CCDC88C: variants seen among roughly 807,000 people sequenced by gnomAD.
CCDC88C encodes the protein coiled-coil and HOOK domain protein 88C, also known as protein Daple.
CCDC88C carries 131 observed loss-of-function variants against 198.8 expected under a neutral mutation model. The observed-to-expected ratio is 0.66, with a 90% CI of 0.57 to 0.76. The LOEUF is 0.76. Ranked by LOEUF, CCDC88C falls within the 30% of genes least tolerant of loss-of-function variation. The pLI, the probability that CCDC88C is intolerant of heterozygous loss-of-function variation, is 0.00. For synonymous variants in CCDC88C, 1,166 were observed against 1,114.7 expected, an observed-to-expected ratio of 1.05 and a Z score of -0.92; for missense variants, 2,553 against 2,631.6, an observed-to-expected ratio of 0.97 and a Z score of 0.65.
In CCDC88C at chr14:91,345,185, TATA is replaced by T. The variant is rs1187903531; in HGVS notation, c.341-1531_341-1529del. ...TTCAATTTATATATATATATATATATATATATTTTTTTTTTTTTTTTTTTTGAG... is the reference window on the plus strand; with the variant it reads ...TTCAATTTATATATATATATATATATTATTTTTTTTTTTTTTTTTTTTGAG... On this transcript the variant is annotated intron_variant, in intron 4 of 29. Coordinates refer to ENST00000389857, the MANE Select transcript of CCDC88C (RefSeq NM_001080414.4). Among the ~76,000 whole-genome samples the T allele has an allele frequency of 7.3e-3, 510 of 70,336 alleles. 2 individuals are homozygous for T. The highest frequency in any genetic ancestry group is 0.018 in the East Asian group (56 of 3,132). The allele number at this position is 70,336 out of a possible 152,430, so 46.1% of individuals were successfully genotyped here.
intron 20 of CCDC88C, among the ~76,000 whole-genome samples, chr14:91,300,325 G>C (rs1019676079): frequency 1.3e-5 from 2 of 152,194 alleles, no homozygotes; most frequent in Non-Finnish European, 2.9e-5. Context: ...GTCCCTCCAT[G>C]CCCTGATAAA....
At chr14:91,362,727 A>G (rs1203289512) in intron 3 of CCDC88C, among the ~76,000 whole-genome samples, 2 of 152,140 alleles carry the variant, frequency 1.3e-5, no homozygotes, top group Non-Finnish European at 2.9e-5. Flanking sequence ...CAGGAGATCG[A>G]GACCATCCTG....
chr14:91,303,695 C>T lies in CCDC88C; in HGVS notation c.3635+6G>A. The T allele has an allele frequency of 6.4e-7, 1 of 1,570,818 alleles. No individual in the cohort carries two copies. Among genetic ancestry groups the T allele is most frequent in the Non-Finnish European group, 8.6e-7 (1 of 1,156,240 alleles). On this transcript the variant is annotated splice_donor_region_variant and intron_variant, in intron 20 of 29. Transcript: ENST00000389857. ...CCCCAGATCCCCTTCCTTCCCCAGG[C>T]CCTACCTCTCCCCGAGCTCCTTGTG...
Position 91,324,803 on chromosome 14 carries a change from A to G in CCDC88C, c.1318T>C (p.Ser440Pro), listed in dbSNP as rs781063694. The G allele has an allele frequency of 6.2e-7, 1 of 1,612,612 alleles. No homozygotes were observed. The highest frequency in any genetic ancestry group is 1.3e-5 in the African/African-American group (1 of 75,036). The change falls in exon 12 of 30, where the codon TCC becomes CCC. Residue 440 changes from serine to proline, a missense_variant. This residue lies in a region of CCDC88C where 1,260 missense variants were observed against 1,412.0 expected (regional missense o/e 0.89). Coordinates refer to ENST00000389857, the MANE Select transcript of CCDC88C (RefSeq NM_001080414.4). Reference protein sequence around the residue: ...AHLGWELEQLSKNADLSDASR... With the variant: ...AHLGWELEQLPKNADLSDASR... ...CCGTCTGACAAGTCTGCGTTCTTGG[A>G]CAGCTGCTCCAGCTCCCAGCCAAGG... is the stretch of plus-strand genomic sequence containing the variant.
intron 10 of CCDC88C, among the ~76,000 whole-genome samples, chr14:91,327,165 G>T (rs546343309): frequency 6.6e-6 from 1 of 152,346 alleles, no homozygotes; most frequent in South Asian, 2.1e-4. Context: ...GCTTCTTTCG[G>T]TGGGCAGAGC....
Position 91,303,935 on chromosome 14 carries a change from G to A in CCDC88C, c.3401C>T (p.Ala1134Val), listed in dbSNP as rs1891449364. 4 of 1,610,636 alleles carry A rather than the reference G, an allele frequency of 2.5e-6. No individual in the cohort carries two copies. The highest frequency in any genetic ancestry group is 2.2e-5 in the East Asian group (1 of 44,874). Residue 1134 changes from alanine (A) to valine (V), a missense_variant, in exon 20 of 30, where the codon GCG (alanine) becomes GTG (valine). This residue lies in a region of CCDC88C where 1,293 missense variants were observed against 1,219.6 expected (regional missense o/e 1.06). Transcript: ENST00000389857. ...GTGGTTCTGCAGCAGCGTGTACTGCGCGGTGAGCGCTGCGCTCTGGGAACT... is the reference window on the plus strand; with the variant it reads ...GTGGTTCTGCAGCAGCGTGTACTGCACGGTGAGCGCTGCGCTCTGGGAACT... ...TLSSQSAALT[A>V]QYTLLQNHHT...
intron 24 of CCDC88C, 40 bp downstream of exon 24, chr14:91,290,955 T>TAAA: frequency 7.8e-7 from 1 of 1,283,510 alleles, no homozygotes; most frequent in Non-Finnish European, 1.1e-6. Context: ...AGGAAGCTTT[T>TAAA]AAGTTCTGTC....
In CCDC88C at chr14:91,339,068, C is replaced by T. The variant is rs959708517; in HGVS notation, c.809+210G>A. 18 of 656,736 alleles carry T rather than the reference C, an allele frequency of 2.7e-5. No homozygotes were observed. Among genetic ancestry groups the T allele is most frequent in the South Asian group, 5.1e-5 (3 of 58,620 alleles). 40.7% of individuals were successfully genotyped at this position (656,736 alleles called of 1,614,324 possible). On this transcript the variant is annotated intron_variant, in intron 8 of 29. Coordinates refer to ENST00000389857, the MANE Select transcript of CCDC88C (RefSeq NM_001080414.4). This position sits in a 1 kb window ranked among gnomAD's most constrained non-coding sequence, Gnocchi z 5.8. ...CTGGACGGGAGGAAACCCTGAAGAC[C>T]GGGAAGAATCCCCGCCCCCATCCCT...
At position 91,339,498 on chromosome 14, in the gene CCDC88C, A is replaced by G; in HGVS notation, c.625-36T>C. The stretch of plus-strand genomic sequence containing the variant: ...GCAGAGAGGGGGATGGAGGAGAACA[A>G]ACGGGGTTAACCAGCACAACGCCTG... On this transcript the variant is annotated intron_variant, in intron 7 of 29. Coordinates refer to ENST00000389857, the MANE Select transcript of CCDC88C (RefSeq NM_001080414.4). The surrounding 1 kb of genome is among the most constrained non-coding windows in gnomAD (Gnocchi z 5.8). The G allele has an allele frequency of 6.4e-7, 1 of 1,573,010 alleles. No homozygotes were observed. Among genetic ancestry groups the G allele is most frequent in the Middle Eastern group, 1.7e-4 (1 of 5,952 alleles).
intron 3 of CCDC88C, among the ~76,000 whole-genome samples, chr14:91,383,597 A>T (rs17725497): frequency 0.031 from 4,776 of 152,300 alleles, 84 homozygotes; most frequent in South Asian, 0.043. Context: ...TCCACGAGGT[A>T]TCGGTTTACT....
intron 12 of CCDC88C, among the ~76,000 whole-genome samples, chr14:91,322,406 C>T (rs1029825180): frequency 6.6e-6 from 1 of 152,194 alleles, no homozygotes; most frequent in Non-Finnish European, 1.5e-5. Flanking sequence ...CCCAAACCAA[C>T]AGCAGGCGAG....
At chr14:91,305,514 C>G (rs1463837769) in intron 19 of CCDC88C, among the ~76,000 whole-genome samples, 1 of 152,120 alleles carries the variant, frequency 6.6e-6, no homozygotes, top group Non-Finnish European at 1.5e-5. Context: ...GACAAGAATG[C>G]AAGTAAAAGG....
At position 91,338,710 on chromosome 14, in the gene CCDC88C, G is replaced by A; in HGVS notation, c.810-140C>T. On this transcript the variant is annotated intron_variant, in intron 8 of 29. Transcript: ENST00000389857. This position sits in a 1 kb window ranked among gnomAD's most constrained non-coding sequence, Gnocchi z 4.8. ...GCGGTGGGGAGGCGATCTGCTTATG[G>A]GGCCTGCAAAAATGTTACTGACTCA... The A allele has an allele frequency of 1.6e-6, 1 of 635,678 alleles. No homozygotes were observed. The highest frequency in any genetic ancestry group is 2.8e-6 in the Non-Finnish European group (1 of 357,764). 39.4% of individuals were successfully genotyped at this position (635,678 alleles called of 1,614,324 possible). A position where few individuals can be genotyped will look rare whatever the true frequency, so the allele number is the denominator to read the frequency against.
At chr14:91,387,411 CA>C in intron 3 of CCDC88C, among the ~76,000 whole-genome samples, 1 of 152,302 alleles carries the variant, frequency 6.6e-6, no homozygotes, top group Admixed American at 6.5e-5. Flanking sequence ...AAGGCCCAGT[CA>C]GGCCAAGCTA....
chr14:91,303,137 C>T (rs942055994), intron 20 of CCDC88C, among the ~76,000 whole-genome samples: 5 of 152,134 alleles, frequency 3.3e-5, no homozygotes, highest in African/African-American at 9.7e-5. Context: ...CAGTCCTCCG[C>T]GCAGCCTGAC....
In CCDC88C at chr14:91,289,235, C is replaced by T; in HGVS notation, c.4311G>A (p.Leu1437=). 6.2e-7 allele frequency: 1 copy of T among 1,614,062 alleles called. No homozygotes were observed. The highest frequency in any genetic ancestry group is 1.3e-5 in the African/African-American group (1 of 75,072). The change falls in exon 25 of 30, where the codon CTG becomes CTA. Residue 1437 remains leucine (L), a synonymous_variant. Transcript: ENST00000389857. ...CCGGCGAGGCGGGGTCTGAGGACTC[C>T]AGCTGCCAGGGAGGGCTGTCCACGG... ...KSTVDSPPWQ[L]ESSDPASPAA...
chr14:91,341,178 C>T (rs374077229), intron 6 of CCDC88C, among the ~76,000 whole-genome samples: 158 of 152,270 alleles, frequency 1.0e-3, no homozygotes, highest in African/African-American at 3.7e-3. Context: ...AATCTTATCC[C>T]ATGATTCAGA....
At chr14:91,274,625 G>C (rs897738262) in intron 29 of CCDC88C, among the ~76,000 whole-genome samples, 1 of 152,246 alleles carries the variant, frequency 6.6e-6, no homozygotes, top group Non-Finnish European at 1.5e-5. Flanking sequence ...ACTGGACAGA[G>C]ATACATCTGC....
chr14:91,283,721 A>G, intron 25 of CCDC88C: 1 of 591,514 alleles, frequency 1.7e-6, no homozygotes. Flanking sequence ...GTGGTGTCAG[A>G]GGCCCCATGA....
Sources: gnomAD v4.1 joint callset for allele counts (sites outside exome capture counted in the v4.1 genomes callset) on GRCh38, gnomAD v4.1.1 for gene constraint, gnomAD v4.1.1 regional missense constraint, Gnocchi (gnomAD v3.1) non-coding constraint, MANE v1.5 for transcripts, NCBI Gene and HGNC (gene_info 2026-07-23, HGNC 2026-07-21) for gene names.